Variants in RP1 observed in about 807,000 individuals in gnomAD.
RP1 encodes oxygen-regulated protein 1.
A neutral mutation model predicts 14.8 loss-of-function variants in RP1; 16 were observed. The ratio of observed to expected loss-of-function variants is 1.08; its 90% CI spans 0.73 to 1.65. The LOEUF (loss-of-function observed/expected upper bound fraction) is 1.65. Ranked by LOEUF, RP1 falls within the 40% of genes most tolerant of loss-of-function variation. The probability of loss-of-function intolerance (pLI) is 0.00; values close to 1 mark genes in which losing one functional copy is unlikely to be tolerated. For synonymous variants in RP1, 876 were observed against 883.6 expected (o/e 0.99, Z 0.15); for missense variants, 2,631 against 2,535.0 (o/e 1.04, Z -0.81).
At position 54,626,413 on chromosome 8, in the gene RP1, C is replaced by A. The variant is rs1806051320; in HGVS notation, c.2531C>A (p.Ser844Tyr). Residue 844 changes from serine to tyrosine, a missense_variant, in exon 4 of 4, where the codon TCT becomes TAT. Transcript: ENST00000220676. Reference sequence around the variant, plus strand: ...CCGCAATCTCAAGCAGAAGTGGCATCTGGGTATTTGAGAGGAATGGCAAAG... The same window carrying A: ...CCGCAATCTCAAGCAGAAGTGGCATATGGGTATTTGAGAGGAATGGCAAAG... ...YAPQSQAEVA[S>Y]GYLRGMAKKS... 5 of 1,613,378 alleles carry A rather than the reference C, an allele frequency of 3.1e-6. No individual in the cohort carries two copies. The South Asian group carries it at 5.5e-5, about 18-fold the overall frequency.
intron 23 of RP1, among the ~76,000 whole-genome samples, chr8:54,775,159 G>T (rs146460937): frequency 6.6e-6 from 1 of 152,250 alleles, no homozygotes; most frequent in Non-Finnish European, 1.5e-5. Context: ...CTAGAAAATA[G>T]TGGTTCTGCT....
At chr8:54,869,827 T>G in intron 28 of RP1, 2 of 1,168,862 alleles carry the variant, frequency 1.7e-6, no homozygotes, top group South Asian at 8.7e-5. Flanking sequence ...ATTATCTTCT[T>G]TTTTTTGCAT....
At chr8:54,687,682 C>T (rs1033278297) in intron 12 of RP1, among the ~76,000 whole-genome samples, 8 of 151,962 alleles carry the variant, frequency 5.3e-5, no homozygotes, top group East Asian at 1.9e-4. Context: ...GGTGTATATA[C>T]GCCACATTTT....
rs1806079950 is a variant in RP1 at position 54,627,048 on chromosome 8, ATAAACC to A, written c.3169_3174del (p.Asn1057_Leu1058del). 2 of 1,613,964 alleles carry A rather than the reference ATAAACC, an allele frequency of 1.2e-6. No individual in the cohort carries two copies. Among genetic ancestry groups the A allele is most frequent in the African/African-American group, 2.7e-5 (2 of 74,936 alleles). On this transcript the variant is annotated inframe_deletion, in exon 4 of 4. Transcript: ENST00000220676. The stretch of plus-strand genomic sequence containing the variant: ...AGAGAAAAAACTTGTTTACCAGGAA[ATAAACC>A]TAGCTAGAAAAAGGCAAAGTGTAGA...
chr8:54,581,518 C>T (rs1366712672), intron 1 of RP1, among the ~76,000 whole-genome samples: 1 of 152,154 alleles, frequency 6.6e-6, no homozygotes, highest in Admixed American at 6.5e-5. Context: ...TGGGTATATA[C>T]CCAGCAATGG....
chr8:54,662,193 T>TTCTGGGAATTTACA (rs1806915237), intron 6 of RP1, among the ~76,000 whole-genome samples: 1 of 152,148 alleles, frequency 6.6e-6, no homozygotes, highest in Non-Finnish European at 1.5e-5. Context: ...ATTTTACATA[T>TTCTGGGAATTTACA]TATTATATGA....
At chr8:54,839,379 C>A (rs1811740060) in intron 25 of RP1, among the ~76,000 whole-genome samples, 1 of 152,194 alleles carries the variant, frequency 6.6e-6, no homozygotes, top group Non-Finnish European at 1.5e-5. Context: ...TAAACACATG[C>A]CTACAAACAG....
intron 5 of RP1, among the ~76,000 whole-genome samples, chr8:54,655,174 T>G (rs543820731): frequency 6.6e-6 from 1 of 152,276 alleles, no homozygotes; most frequent in African/African-American, 2.4e-5. Flanking sequence ...TTCTTAAACG[T>G]CAGAAAACAT....
chr8:54,750,597 G>C (rs1179576073), intron 19 of RP1, among the ~76,000 whole-genome samples: 1 of 74,404 alleles, frequency 1.3e-5, no homozygotes, highest in Non-Finnish European at 2.7e-5. Context: ...GCACTCTGTA[G>C]CTAGGATTGT....
chr8:54,822,810 C>T (rs999101268), intron 24 of RP1, among the ~76,000 whole-genome samples: 1 of 152,132 alleles, frequency 6.6e-6, no homozygotes, highest in Non-Finnish European at 1.5e-5. Flanking sequence ...GTGAATTAGC[C>T]AAATACCTAG....
Position 54,586,701 on chromosome 8 carries a change from C to T in RP1, c.-13+27381C>T, listed in dbSNP as rs189429621. 4.6e-5 allele frequency among the ~76,000 whole-genome samples: 7 copies of T among 152,298 alleles called. No homozygotes were observed. In the South Asian group the frequency reaches 1.2e-3, roughly 27 times the overall value. On this transcript the variant is annotated intron_variant, in intron 1 of 22. Transcript: ENST00000636932. ...ACTCAAGCCTTGGCAATGGTTGGCG[C>T]CCCTCCCCCAGCCTCGCTGCCACCT...
At chr8:54,580,808 G>A (rs1318394490) in intron 1 of RP1, among the ~76,000 whole-genome samples, 1 of 151,586 alleles carries the variant, frequency 6.6e-6, no homozygotes, top group Non-Finnish European at 1.5e-5. Context: ...TAGTAGAGAC[G>A]GGGTTTCTCC....
chr8:54,630,625 A>AT lies in RP1; in HGVS notation c.*280dup, dbSNP rs766068945. Reference sequence around the variant, plus strand: ...ATTTTTTTTTTTTTTGGTATCTATGATTTTTTTTGCTCAGGGCATCAAAAT... The same window carrying AT: ...ATTTTTTTTTTTTTTGGTATCTATGATTTTTTTTTGCTCAGGGCATCAAAAT... On this transcript the variant is annotated 3_prime_UTR_variant, in exon 4 of 4. Transcript: ENST00000220676. 52 of 1,180,390 alleles carry AT rather than the reference A, an allele frequency of 4.4e-5. No homozygotes were observed. The highest frequency in any genetic ancestry group is 3.6e-4 in the Middle Eastern group (1 of 2,764). The allele number at this position is 1,180,390 out of a possible 1,614,324, so 73.1% of individuals were successfully genotyped here.
chr8:54,812,885 A>G (rs1173827245), intron 24 of RP1, among the ~76,000 whole-genome samples: 1 of 152,200 alleles, frequency 6.6e-6, no homozygotes, highest in East Asian at 1.9e-4. Context: ...ACTCCTCTGA[A>G]GATTCCAGCA....
intron 6 of RP1, among the ~76,000 whole-genome samples, chr8:54,659,930 C>T (rs1236999663): frequency 1.3e-5 from 2 of 151,892 alleles, no homozygotes; most frequent in Admixed American, 1.3e-4. Flanking sequence ...TCTTTTGCTG[C>T]CTTGGTTTAG....
chr8:54,749,793 T>C (rs752796904), intron 19 of RP1, among the ~76,000 whole-genome samples: 2 of 151,568 alleles, frequency 1.3e-5, no homozygotes, highest in African/African-American at 2.4e-5. Flanking sequence ...AGAGCTTTCT[T>C]GGGAAGATGG....
At chr8:54,786,028 C>T (rs563814442) in intron 24 of RP1, among the ~76,000 whole-genome samples, 43 of 151,998 alleles carry the variant, frequency 2.8e-4, no homozygotes, top group Middle Eastern at 3.4e-3. Flanking sequence ...AATGAACAGC[C>T]CCAAGATAAC....
intron 18 of RP1, among the ~76,000 whole-genome samples, chr8:54,737,738 G>T (rs759066495): frequency 6.6e-6 from 1 of 152,010 alleles, no homozygotes; most frequent in Admixed American, 6.6e-5. Flanking sequence ...GTGGTGGTGG[G>T]CACTTAAAAA....
chr8:54,755,189 T>C (rs1458941235), intron 20 of RP1, among the ~76,000 whole-genome samples: 1 of 152,162 alleles, frequency 6.6e-6, no homozygotes, highest in Admixed American at 6.5e-5. Context: ...AGAAATGCCA[T>C]GGCTGCAACT....
Sources: gnomAD v4.1 joint callset for allele counts (sites outside exome capture counted in the v4.1 genomes callset) on GRCh38, gnomAD v4.1.1 for gene constraint, MANE v1.5 for transcripts, NCBI Gene and HGNC (gene_info 2026-07-23, HGNC 2026-07-21) for gene names.